The following RPS6KC1 variants were observed in gnomAD, a reference collection of about 807,000 sequenced individuals.
RPS6KC1 encodes inactive ribosomal protein S6 kinase delta-1.
RPS6KC1 carries 54 observed loss-of-function variants against 103.8 expected under a neutral mutation model. That is an observed-to-expected ratio of 0.52 (90% CI 0.42 to 0.65). The LOEUF (loss-of-function observed/expected upper bound fraction) is 0.65, where lower values mean the gene tolerates loss of function less well. RPS6KC1 is among the 30% of genes least tolerant of loss of function. The pLI, the probability that RPS6KC1 is intolerant of heterozygous loss-of-function variation, is 0.00. For synonymous variants in RPS6KC1, 439 were observed against 438.7 expected, an observed-to-expected ratio of 1.00 and a Z score of -0.01; for missense variants, 1,151 against 1,253.8, an observed-to-expected ratio of 0.92 and a Z score of 1.24.
the RPS6KC1 span, among the ~76,000 whole-genome samples, chr1:213,806,240 G>A: frequency 1.3e-5 from 2 of 152,192 alleles, no homozygotes; most frequent in South Asian, 4.1e-4. Context: ...GCTGAGGCAG[G>A]AGAATGGCGT....
At chr1:213,755,630 G>A in the RPS6KC1 span, among the ~76,000 whole-genome samples, 8 of 152,202 alleles carry the variant, frequency 5.3e-5, no homozygotes, top group Non-Finnish European at 1.0e-4. Context: ...TTGGACAGAG[G>A]TGAAGCAAGA....
At chr1:213,823,753 C>CA in the RPS6KC1 span, among the ~76,000 whole-genome samples, 45 of 100,292 alleles carry the variant, frequency 4.5e-4, no homozygotes, top group South Asian at 1.4e-3. Context: ...CACACACACA[C>CA]CACACCACAT....
At chr1:213,514,871 C>A in the RPS6KC1 span, among the ~76,000 whole-genome samples, 1 of 152,198 alleles carries the variant, frequency 6.6e-6, no homozygotes, top group Non-Finnish European at 1.5e-5. Context: ...TCCTATTTCT[C>A]CACATCCTCT....
chr1:213,267,970 A>T (rs975994548), intron 14 of RPS6KC1, among the ~76,000 whole-genome samples: 18 of 151,998 alleles, frequency 1.2e-4, no homozygotes, highest in African/African-American at 3.6e-4. Context: ...ACATATAATG[A>T]TAGTCCCAGA....
the RPS6KC1 span, among the ~76,000 whole-genome samples, chr1:213,583,820 C>CAAAAAAAAAAAAAAAAA: frequency 2.6e-5 from 2 of 76,548 alleles, no homozygotes; most frequent in Non-Finnish European, 5.1e-5. Flanking sequence ...GATTCTGTCT[C>CAAAAAAAAAAAAAAAAA]AAAAAAAAAA....
chr1:213,257,182 G>A (rs1457303233), intron 12 of RPS6KC1, among the ~76,000 whole-genome samples: 2 of 152,102 alleles, frequency 1.3e-5, no homozygotes, highest in African/African-American at 2.4e-5. Context: ...CATTTCATCT[G>A]GGGTGCGTGT....
Position 213,242,617 on chromosome 1 carries a change from C to T in RPS6KC1, c.2870C>T (p.Ser957Phe). 1 of 1,588,576 alleles carries T rather than the reference C, an allele frequency of 6.3e-7. No homozygotes were observed. Among genetic ancestry groups the T allele is most frequent in the Non-Finnish European group, 8.6e-7 (1 of 1,164,632 alleles). ...AGCAGGTGGAGTGAGGTTGAAGATT[C>T]CTGTGACAGCGATGCCATAGAGAGA... ...YFSRWSEVED[S>F]CDSDAIERMY... Residue 957 changes from serine (S) to phenylalanine (F), a missense_variant, in exon 12 of 15, where the codon TCC (serine) becomes TTC (phenylalanine). By Grantham distance (155) the Ser-to-Phe change is radical. Transcript: ENST00000366960.
intron 1 of RPS6KC1, among the ~76,000 whole-genome samples, chr1:213,060,076 C>G (rs1246951946): frequency 6.6e-6 from 1 of 152,216 alleles, no homozygotes; most frequent in African/African-American, 2.4e-5. Flanking sequence ...CCTCAGCCTC[C>G]CAAAGTGCTG....
chr1:213,375,080 TACAC>T, the RPS6KC1 span, among the ~76,000 whole-genome samples: 19 of 151,114 alleles, frequency 1.3e-4, no homozygotes, highest in African/African-American at 4.6e-4. Flanking sequence ...CATACACACA[TACAC>T]ACATCTACGC....
the RPS6KC1 span, among the ~76,000 whole-genome samples, chr1:213,363,600 CGCTCGCTTGCTTGCTTGCTT>C: frequency 1.3e-5 from 1 of 76,528 alleles, no homozygotes; most frequent in African/African-American, 9.1e-5. Context: ...AGCCCTTGCT[CGCTCGCTTGCTTGCTTGCTT>C]GCTTGCTTTC....
intron 10 of RPS6KC1, 125 bp downstream of exon 10, chr1:213,232,380 C>A: frequency 1.7e-6 from 2 of 1,180,516 alleles, no homozygotes; most frequent in Non-Finnish European, 2.5e-6. Context: ...TTTCCTATTC[C>A]TCTGCTCTAC....
chr1:213,297,564 A>G, the RPS6KC1 span, among the ~76,000 whole-genome samples: 1 of 152,210 alleles, frequency 6.6e-6, no homozygotes, highest in African/African-American at 2.4e-5. Context: ...CCATTTAATG[A>G]ATAAGTAATT....
the RPS6KC1 span, among the ~76,000 whole-genome samples, chr1:213,806,243 A>G: frequency 2.5e-4 from 38 of 152,298 alleles, no homozygotes; most frequent in African/African-American, 8.9e-4. Flanking sequence ...GAGGCAGGAG[A>G]ATGGCGTGAA....
the RPS6KC1 span, among the ~76,000 whole-genome samples, chr1:213,831,418 C>T: frequency 6.6e-6 from 1 of 152,152 alleles, no homozygotes; most frequent in Admixed American, 6.5e-5. Context: ...CCAAGGAATG[C>T]AGGTGGCCTC....
chr1:213,743,127 G>C, the RPS6KC1 span, among the ~76,000 whole-genome samples: 3 of 152,178 alleles, frequency 2.0e-5, no homozygotes, highest in Non-Finnish European at 2.9e-5. Context: ...TGAAGACATG[G>C]AATCAGCCTC....
the RPS6KC1 span, among the ~76,000 whole-genome samples, chr1:213,712,644 T>C: frequency 2.6e-5 from 4 of 152,168 alleles, no homozygotes; most frequent in Non-Finnish European, 5.9e-5. Flanking sequence ...CCTGGTGGTG[T>C]AGGCACTTGA....
At chr1:213,612,777 C>T in the RPS6KC1 span, among the ~76,000 whole-genome samples, 3 of 152,268 alleles carry the variant, frequency 2.0e-5, no homozygotes, top group South Asian at 2.1e-4. Flanking sequence ...ATGAGAACTC[C>T]GGGGGCTCCT....
chr1:213,582,480 A>G, the RPS6KC1 span, among the ~76,000 whole-genome samples: 1 of 152,192 alleles, frequency 6.6e-6, no homozygotes, highest in Non-Finnish European at 1.5e-5. Context: ...CCAGGATCAC[A>G]TTATCAGAGG....
chr1:213,167,937 T>G lies in RPS6KC1; in HGVS notation c.915T>G (p.Ser305Arg). Residue 305 changes from serine to arginine, a missense_variant, in exon 7 of 15, where the codon AGT becomes AGG. Ser to Arg is a moderately radical substitution (Grantham distance 110). Coordinates refer to ENST00000366960, the MANE Select transcript of RPS6KC1 (RefSeq NM_012424.6). ...TCATGCGGGCAGAAAGTATCTCTAG[T>G]CTTTATGGGAAACCTCAGCTTGATG... ...EYLMRAESIS[S>R]LYGKPQLDDV... is the part of the protein sequence containing the mutation. The G allele has an allele frequency of 6.2e-7, 1 of 1,613,540 alleles. No individual in the cohort carries two copies. The highest frequency in any genetic ancestry group is 1.7e-4 in the Middle Eastern group (1 of 6,060).
Sources: allele counts gnomAD v4.1 joint callset (sites outside exome capture counted in the v4.1 genomes callset), GRCh38; gene constraint gnomAD v4.1.1; transcripts MANE v1.5; gene names NCBI Gene and HGNC (gene_info 2026-07-23, HGNC 2026-07-21).